The following TRPV4 variants were observed in gnomAD, a reference collection of about 807,000 sequenced individuals.
TRPV4 encodes the protein transient receptor potential cation channel subfamily V member 4.
TRPV4 carries 58 observed loss-of-function variants against 84.1 expected under a neutral mutation model. The ratio of observed to expected loss-of-function variants is 0.69; its 90% CI spans 0.56 to 0.86. TRPV4 has a LOEUF of 0.86. Ranked by LOEUF, TRPV4 falls within the 40% of genes least tolerant of loss-of-function variation. The probability of loss-of-function intolerance (pLI) is 0.00; values close to 1 mark genes in which losing one functional copy is unlikely to be tolerated. For missense variants in TRPV4, 879 were observed against 1,181.1 expected (o/e 0.74, Z 3.75); for synonymous variants, 489 against 500.9 (o/e 0.98, Z 0.32).
chr12:109,800,007 A>G (rs943461193), intron 5 of TRPV4, among the ~76,000 whole-genome samples: 3 of 151,952 alleles, frequency 2.0e-5, no homozygotes, highest in Non-Finnish European at 4.4e-5. Flanking sequence ...CAATGGGGAA[A>G]TCTCGGCTCA....
intron 14 of TRPV4, among the ~76,000 whole-genome samples, chr12:109,784,840 CAAA>C (rs11443576): frequency 2.4e-5 from 2 of 83,828 alleles, no homozygotes; most frequent in Admixed American, 1.4e-4. Context: ...GACTCCATCT[CAAA>C]AAAAAAAAAA....
Position 109,800,758 on chromosome 12 carries a change from C to T in TRPV4, c.713G>A (p.Gly238Asp). Residue 238 changes from glycine (G) to aspartate (D), a missense_variant and splice_region_variant, in exon 5 of 16, where the codon GGT (glycine) becomes GAT (aspartate). Gly to Asp is a moderately conservative substitution (Grantham distance 94, BLOSUM62 -1). This residue lies in a region of TRPV4 where 521 missense variants were observed against 686.6 expected (regional missense o/e 0.76). Coordinates refer to ENST00000261740, the MANE Select transcript of TRPV4 (RefSeq NM_021625.5). ...NSPFRDIYYR[G>D]QTALHIAIER... ...AATGGCGATGTGCAGGGCTGTCTGACCTGGGGGCAGGGGACGGTCATCCAG... is the reference window on the plus strand; with the variant it reads ...AATGGCGATGTGCAGGGCTGTCTGATCTGGGGGCAGGGGACGGTCATCCAG... 1 of 1,613,268 alleles carries T rather than the reference C, an allele frequency of 6.2e-7. No individual in the cohort carries two copies. Among genetic ancestry groups the T allele is most frequent in the Non-Finnish European group, 8.5e-7 (1 of 1,179,922 alleles).
intron 4 of TRPV4, among the ~76,000 whole-genome samples, chr12:109,802,384 C>A (rs1453973889): frequency 6.6e-6 from 1 of 151,666 alleles, no homozygotes; most frequent in East Asian, 1.9e-4. Flanking sequence ...TCACTGCAAC[C>A]TCCACCTCCC....
intron 1 of TRPV4, among the ~76,000 whole-genome samples, chr12:109,820,935 G>A (rs2136697153): frequency 6.6e-6 from 1 of 152,324 alleles, no homozygotes; most frequent in South Asian, 2.1e-4. Flanking sequence ...ACAACAGATG[G>A]CTTCTCTCTG....
At chr12:109,801,976 C>T (rs1265924031) in intron 4 of TRPV4, among the ~76,000 whole-genome samples, 1 of 152,102 alleles carries the variant, frequency 6.6e-6, no homozygotes, top group Non-Finnish European at 1.5e-5. Context: ...TGGGGATTGG[C>T]CCAGTTCTTG....
intron 13 of TRPV4, among the ~76,000 whole-genome samples, chr12:109,787,610 T>C (rs1428496896): frequency 1.3e-5 from 2 of 152,096 alleles, no homozygotes; most frequent in Non-Finnish European, 2.9e-5. Context: ...CTGTGAGTAA[T>C]GCCCAGTGGG....
In TRPV4 at chr12:109,786,774, A is replaced by G; in HGVS notation, c.2272T>C (p.Ser758Pro). ...FPVFLRKAFRSGEMVTVGKSS... is the reference protein window; with the variant it reads ...FPVFLRKAFRPGEMVTVGKSS... ...TTGCCCACGGTGACCATCTCCCCAGAGCGGAAGGCCTTCCTCAGGAATACG... is the reference window on the plus strand; with the variant it reads ...TTGCCCACGGTGACCATCTCCCCAGGGCGGAAGGCCTTCCTCAGGAATACG... The change falls in exon 14 of 16, where the codon TCT becomes CCT. Residue 758 changes from serine (S) to proline (P), a missense_variant. Physicochemically the swap from Ser to Pro is moderately conservative, Grantham distance 74. This residue lies in a region of TRPV4 where 242 missense variants were observed against 355.3 expected (regional missense o/e 0.68). Coordinates refer to ENST00000261740, the MANE Select transcript of TRPV4 (RefSeq NM_021625.5). The surrounding 1 kb of genome is among the most constrained non-coding windows in gnomAD (Gnocchi z 4.5). 2 of 1,613,942 alleles carry G rather than the reference A, an allele frequency of 1.2e-6. No homozygotes were observed. The highest frequency in any genetic ancestry group is 1.7e-6 in the Non-Finnish European group (2 of 1,179,994).
intron 5 of TRPV4, 150 bp downstream of exon 5, chr12:109,800,466 CAG>C: frequency 8.3e-6 from 8 of 961,598 alleles, no homozygotes; most frequent in Non-Finnish European, 1.3e-5. Context: ...GACCAACGTG[CAG>C]CCTGTGGTCC....
At chr12:109,811,424 G>A (rs528426727) in intron 2 of TRPV4, among the ~76,000 whole-genome samples, 39 of 152,298 alleles carry the variant, frequency 2.6e-4, no homozygotes, top group South Asian at 2.3e-3. Flanking sequence ...TTGGGAGGCC[G>A]AGGTGGGCAG....
Position 109,814,886 on chromosome 12 carries a change from A to AAGAATGGAGTGGGG in TRPV4, c.-31-60_-31-59insCCCCACTCCATTCT. On this transcript the variant is annotated intron_variant, in intron 1 of 15. Transcript: ENST00000261740. This position sits in a 1 kb window ranked among gnomAD's most constrained non-coding sequence, Gnocchi z 5.4. ...CCGGCCAGGGGCGGGGGCTCCAGGA[A>AAGAATGGAGTGGGG]GCCCCCTCCCACGTGGACAAGCAGC... is the stretch of plus-strand genomic sequence containing the variant. 6.7e-7 allele frequency: 1 copy of AAGAATGGAGTGGGG among 1,484,302 alleles called. No individual in the cohort carries two copies. The highest frequency in any genetic ancestry group is 9.0e-7 in the Non-Finnish European group (1 of 1,105,536). 91.9% of individuals were successfully genotyped at this position (1,484,302 alleles called of 1,614,324 possible). A position where few individuals can be genotyped will look rare whatever the true frequency, so the allele number is the denominator to read the frequency against.
rs377465930 is a variant in TRPV4, at chr12:109,796,493, C to T, written c.1332+32G>A. On this transcript the variant is annotated intron_variant, in intron 7 of 15. Coordinates refer to ENST00000261740, the MANE Select transcript of TRPV4 (RefSeq NM_021625.5). The surrounding 1 kb of genome is among the most constrained non-coding windows in gnomAD (Gnocchi z 4.2). ...CCTACTCCCAGCCCTGCCCCTCCTT[C>T]CTCACACCCCATGCCCCCTCCTGGA... The T allele has an allele frequency of 2.7e-5, 44 of 1,612,672 alleles. No homozygotes were observed. In the African/African-American group the frequency reaches 5.3e-4, roughly 20 times the overall value.
rs1469713420 is a variant in TRPV4 at position 109,798,570 on chromosome 12, G to A, written c.1152+44C>T. Reference sequence around the variant, plus strand: ...AGACCCTCGTGTGTGTGTGCAGAGGGGTACGAGTAGGTGGATCAGCTGTGC... The same window carrying A: ...AGACCCTCGTGTGTGTGTGCAGAGGAGTACGAGTAGGTGGATCAGCTGTGC... On this transcript the variant is annotated intron_variant, in intron 6 of 15. Coordinates refer to ENST00000261740, the MANE Select transcript of TRPV4 (RefSeq NM_021625.5). The surrounding 1 kb of genome is among the most constrained non-coding windows in gnomAD (Gnocchi z 5.0). 2 of 1,602,730 alleles carry A rather than the reference G, an allele frequency of 1.2e-6. No homozygotes were observed. The highest frequency in any genetic ancestry group is 2.2e-5 in the East Asian group (1 of 44,868).
chr12:109,823,610 CCA>C lies in TRPV4; in HGVS notation c.-31-8785_-31-8784del, dbSNP rs1212154201. On this transcript the variant is annotated intron_variant, in intron 1 of 15. Coordinates refer to ENST00000261740, the MANE Select transcript of TRPV4 (RefSeq NM_021625.5). ...TATGAAATGCCCAGAACAGGCAAAT[CCA>C]CAGAGACAGAAAGCAGATTAGTTGT... 6.6e-5 allele frequency among the ~76,000 whole-genome samples: 10 copies of C among 152,258 alleles called. 1 individual carries two copies. Among genetic ancestry groups the C allele is most frequent in the African/African-American group, 1.9e-4 (8 of 41,552 alleles).
At chr12:109,790,956 C>T (rs1401273751) in intron 12 of TRPV4, among the ~76,000 whole-genome samples, 2 of 152,256 alleles carry the variant, frequency 1.3e-5, no homozygotes, top group Non-Finnish European at 2.9e-5. Flanking sequence ...CCCCCTCTAA[C>T]CAAGTCCATA....
In TRPV4 at chr12:109,814,570, C is replaced by A. The variant is rs1435404361; in HGVS notation, c.227G>T (p.Arg76Leu). 5 of 1,613,978 alleles carry A rather than the reference C, an allele frequency of 3.1e-6. No homozygotes were observed. In the African/African-American group the frequency reaches 5.3e-5, roughly 17 times the overall value. The part of the protein sequence containing the change: ...NLRMKFQGAF[R>L]KGVPNPIDLL... ...ATCGATGGGGTTGGGCACCCCCTTG[C>A]GGAAGGCGCCCTGGAACTTCATGCG... Residue 76 changes from arginine (R) to leucine (L), a missense_variant, in exon 2 of 16, where the codon CGC (arginine) becomes CTC (leucine). Physicochemically the swap from Arg to Leu is moderately radical, Grantham distance 102 (BLOSUM62 -2). Transcript: ENST00000261740. This position sits in a 1 kb window ranked among gnomAD's most constrained non-coding sequence, Gnocchi z 5.4.
At position 109,786,868 on chromosome 12, in the gene TRPV4, G is replaced by A. The variant is rs753993443; in HGVS notation, c.2209-31C>T. On this transcript the variant is annotated intron_variant, in intron 13 of 15. Coordinates refer to ENST00000261740, the MANE Select transcript of TRPV4 (RefSeq NM_021625.5). The surrounding 1 kb of genome is among the most constrained non-coding windows in gnomAD (Gnocchi z 4.5). ...GGGAGGGAGGGTCAGGAGGGACATCGGTGAGCCTCACAGCCTGCGCCTGCC... is the reference window on the plus strand; with the variant it reads ...GGGAGGGAGGGTCAGGAGGGACATCAGTGAGCCTCACAGCCTGCGCCTGCC... The A allele has an allele frequency of 1.2e-5, 19 of 1,613,128 alleles. No homozygotes were observed. The highest frequency in any genetic ancestry group is 4.0e-5 in the African/African-American group (3 of 75,048).
intron 1 of TRPV4, among the ~76,000 whole-genome samples, chr12:109,831,398 G>A (rs933939835): frequency 1.3e-5 from 2 of 152,200 alleles, no homozygotes; most frequent in African/African-American, 4.8e-5. Context: ...TTTACTAAGC[G>A]TCGGCCATCC....
chr12:109,828,861 C>T (rs1405671995), intron 1 of TRPV4, among the ~76,000 whole-genome samples: 1 of 152,038 alleles, frequency 6.6e-6, no homozygotes, highest in Non-Finnish European at 1.5e-5. Context: ...AGCATTCCTG[C>T]CCCTGCCCAC....
At chr12:109,822,599 G>A (rs986404175) in intron 1 of TRPV4, among the ~76,000 whole-genome samples, 23 of 152,224 alleles carry the variant, frequency 1.5e-4, no homozygotes, top group African/African-American at 4.8e-4. Context: ...ATGCATCCCC[G>A]GGACCTGCGC....
Sources: gnomAD v4.1 joint callset for allele counts (sites outside exome capture counted in the v4.1 genomes callset) on GRCh38, gnomAD v4.1.1 for gene constraint, gnomAD v4.1.1 regional missense constraint, Gnocchi (gnomAD v3.1) non-coding constraint, MANE v1.5 for transcripts, NCBI Gene and HGNC (gene_info 2026-07-23, HGNC 2026-07-21) for gene names.